SNW1: variants seen among roughly 807,000 people sequenced by gnomAD.
SNW1 encodes the protein SNW domain containing 1.
In SNW1, 9 loss-of-function variants were observed where a neutral mutation model predicts 75.6. That is an observed-to-expected ratio of 0.12 (90% CI 0.07 to 0.21). SNW1 has a LOEUF of 0.21. Ranked by LOEUF, SNW1 falls within the 10% of genes least tolerant of loss-of-function variation. The probability of loss-of-function intolerance (pLI) is 1.00; values close to 1 mark genes in which losing one functional copy is unlikely to be tolerated. For missense variants in SNW1, 409 were observed against 670.9 expected (o/e 0.61, Z 4.31); for synonymous variants, 200 against 219.1 (o/e 0.91, Z 0.77).
intron 1 of SNW1, among the ~76,000 whole-genome samples, chr14:77,758,381 T>G (rs2080859741): frequency 6.7e-6 from 1 of 149,320 alleles, no homozygotes; most frequent in South Asian, 2.1e-4. Flanking sequence ...TCTCCAGATC[T>G]CCAGATCTTT....
In SNW1 at chr14:77,761,100, A is replaced by C; in HGVS notation, c.14+14T>G. On this transcript the variant is annotated intron_variant, in intron 1 of 13. Transcript: ENST00000261531. ...CAGACCCTTCCGTATCGAGGACCCC[A>C]ATCAACAACCCACCTGGTGAGCGCC... 1 of 1,614,238 alleles carries C rather than the reference A, an allele frequency of 6.2e-7. No individual in the cohort carries two copies. The highest frequency in any genetic ancestry group is 8.5e-7 in the Non-Finnish European group (1 of 1,180,032).
intron 8 of SNW1, among the ~76,000 whole-genome samples, chr14:77,734,248 T>A (rs184624461): frequency 6.6e-6 from 1 of 152,222 alleles, no homozygotes; most frequent in Non-Finnish European, 1.5e-5. Flanking sequence ...AGCCCAGTAG[T>A]TGAATATTAA....
At chr14:77,719,575 A>C (rs888953324) in intron 12 of SNW1, among the ~76,000 whole-genome samples, 4 of 152,142 alleles carry the variant, frequency 2.6e-5, no homozygotes, top group African/African-American at 9.7e-5. Context: ...TGGGAGGTGG[A>C]GGTTGCAGTG....
intron 3 of SNW1, among the ~76,000 whole-genome samples, chr14:77,743,606 C>A (rs1257997910): frequency 6.6e-6 from 1 of 152,142 alleles, no homozygotes; most frequent in Non-Finnish European, 1.5e-5. Context: ...TTTTTAAATC[C>A]TATTTTATAT....
chr14:77,742,085 G>C (rs142051467), intron 3 of SNW1, among the ~76,000 whole-genome samples: 2,859 of 151,698 alleles, frequency 0.019, 103 homozygotes, highest in African/African-American at 0.066. Context: ...AAGCTGGAGT[G>C]CAATGGCGTG....
chr14:77,727,660 C>T (rs540428332), intron 10 of SNW1, among the ~76,000 whole-genome samples: 33 of 152,160 alleles, frequency 2.2e-4, no homozygotes, highest in Non-Finnish European at 3.4e-4. Flanking sequence ...GGTTCTTATT[C>T]TTGGTTCTAT....
chr14:77,718,350 G>A lies in SNW1; in HGVS notation c.1412+17C>T. 1.2e-6 allele frequency: 2 copies of A among 1,614,186 alleles called. No individual in the cohort carries two copies. Among genetic ancestry groups the A allele is most frequent in the Non-Finnish European group, 1.7e-6 (2 of 1,180,024 alleles). The stretch of plus-strand genomic sequence containing the variant: ...TCACCAGTGTAAACACTGAAATTGA[G>A]TTGTATGGCTTGGCACCTGTTGGTC... On this transcript the variant is annotated intron_variant, in intron 13 of 13. Transcript: ENST00000261531.
intron 1 of SNW1, among the ~76,000 whole-genome samples, chr14:77,758,790 C>T (rs74391452): frequency 0.011 from 1,701 of 152,342 alleles, 21 homozygotes; most frequent in African/African-American, 0.038. Context: ...CAACACACAA[C>T]ACTTCTGATA....
At chr14:77,746,948 G>T (rs917903322) in intron 3 of SNW1, among the ~76,000 whole-genome samples, 1 of 136,694 alleles carries the variant, frequency 7.3e-6, no homozygotes, top group East Asian at 2.2e-4. Flanking sequence ...CCCTCTCCAC[G>T]GTCTCCCTCT....
chr14:77,760,689 G>A (rs2080881409), intron 1 of SNW1: 1 of 702,376 alleles, frequency 1.4e-6, no homozygotes, highest in Non-Finnish European at 2.6e-6. Flanking sequence ...GACAGCGAAA[G>A]GAGAGAGACC....
chr14:77,719,657 CAAA>C (rs71452871), intron 12 of SNW1, among the ~76,000 whole-genome samples: 1 of 150,642 alleles, frequency 6.6e-6, no homozygotes, highest in African/African-American at 2.5e-5. Flanking sequence ...CAAAAACAAA[CAAA>C]AAAAACTTTG....
rs187106150 is a variant in SNW1 at position 77,732,259 on chromosome 14, C to T, written c.891+226G>A. Among the ~76,000 whole-genome samples the T allele has an allele frequency of 1.6e-3, 248 of 152,290 alleles. 1 individual carries two copies. The highest frequency in any genetic ancestry group is 5.5e-3 in the African/African-American group (228 of 41,546). ...TCATCCTAGGAAACCATTATTCTGA[C>T]ATGTTGTGAGGGAGCCGGATCACCA... On this transcript the variant is annotated intron_variant, in intron 9 of 13. Coordinates refer to ENST00000261531, the MANE Select transcript of SNW1 (RefSeq NM_012245.3).
chr14:77,751,063 T>C (rs2080803621), intron 3 of SNW1, among the ~76,000 whole-genome samples: 1 of 152,192 alleles, frequency 6.6e-6, no homozygotes. Flanking sequence ...TGTTTTAAAA[T>C]GTACTTTTTT....
At chr14:77,755,725 G>A (rs8016447) in intron 1 of SNW1, among the ~76,000 whole-genome samples, 127,995 of 151,410 alleles carry the variant, frequency 0.85, 54,203 homozygotes, top group African/African-American at 0.89. Context: ...CCATGCTTCC[G>A]TATTTCCATA....
intron 10 of SNW1, among the ~76,000 whole-genome samples, chr14:77,727,613 T>C (rs2080595877): frequency 6.6e-6 from 1 of 152,252 alleles, no homozygotes; most frequent in African/African-American, 2.4e-5. Context: ...TTGAATTTTT[T>C]CAAATGCTTT....
At chr14:77,740,970 G>A (rs528547008) in intron 3 of SNW1, among the ~76,000 whole-genome samples, 1 of 151,834 alleles carries the variant, frequency 6.6e-6, no homozygotes, top group South Asian at 2.1e-4. Context: ...GGTGGTGGGT[G>A]CCTGTAATCT....
chr14:77,728,216 G>T (rs947756240), intron 10 of SNW1, among the ~76,000 whole-genome samples: 4 of 152,070 alleles, frequency 2.6e-5, no homozygotes, highest in Non-Finnish European at 5.9e-5. Flanking sequence ...TTGAGAGGCT[G>T]AGGCAGGTGG....
chr14:77,757,258 A>G (rs1342649905), intron 1 of SNW1, among the ~76,000 whole-genome samples: 1 of 152,168 alleles, frequency 6.6e-6, no homozygotes, highest in African/African-American at 2.4e-5. Flanking sequence ...CTATAATTAC[A>G]CATTATGTTA....
At chr14:77,733,713 C>A (rs2139906028) in intron 8 of SNW1, among the ~76,000 whole-genome samples, 1 of 129,510 alleles carries the variant, frequency 7.7e-6, no homozygotes, top group East Asian at 2.3e-4. Flanking sequence ...CCACTGTACT[C>A]CAGCCTGGGC....
Sources: allele counts gnomAD v4.1 joint callset (sites outside exome capture counted in the v4.1 genomes callset), GRCh38; gene constraint gnomAD v4.1.1; transcripts MANE v1.5; gene names NCBI Gene and HGNC (gene_info 2026-07-23, HGNC 2026-07-21).